The following KLF8 variants were observed in gnomAD, a reference collection of about 807,000 sequenced individuals.
KLF8 encodes the protein Krueppel-like factor 8.
In KLF8, 10 loss-of-function variants were observed where a neutral mutation model predicts 18.2. The observed-to-expected ratio is 0.55, with a 90% CI of 0.34 to 0.93. KLF8 has a LOEUF of 0.93. Ranked by LOEUF, KLF8 falls within the 40% of genes least tolerant of loss-of-function variation. KLF8 has a pLI of 0.02. For missense variants in KLF8, 264 were observed against 277.9 expected (o/e 0.95, Z 0.36); for synonymous variants, 109 against 97.3 (o/e 1.12, Z -0.71).
At chrX:56,154,233 A>T in the KLF8 span, among the ~76,000 whole-genome samples, 1 of 111,517 alleles carries the variant, frequency 9.0e-6, no homozygotes, top group African/African-American at 3.3e-5. Flanking sequence ...CCAAAACAGC[A>T]TGGTACTGGT....
the KLF8 span, among the ~76,000 whole-genome samples, chrX:56,085,904 G>A: frequency 2.7e-5 from 3 of 112,049 alleles, no homozygotes; most frequent in Non-Finnish European, 5.6e-5. Flanking sequence ...TCTCAGATAT[G>A]CACACTATCA....
At chrX:55,942,184 G>A in the KLF8 span, among the ~76,000 whole-genome samples, 1 of 111,552 alleles carries the variant, frequency 9.0e-6, no homozygotes, top group African/African-American at 3.3e-5. Context: ...ATACTATGCA[G>A]CCATAAAGAA....
At chrX:56,058,346 T>A in the KLF8 span, among the ~76,000 whole-genome samples, 2 of 84,038 alleles carry the variant, frequency 2.4e-5, no homozygotes, top group Admixed American at 2.9e-4. Flanking sequence ...GTTTGTTTTA[T>A]TTTTTATATA....
the KLF8 span, among the ~76,000 whole-genome samples, chrX:56,104,223 C>T: frequency 9.0e-6 from 1 of 111,372 alleles, no homozygotes; most frequent in Non-Finnish European, 1.9e-5. Context: ...TGATGCTGGC[C>T]TCATAAAATG....
At chrX:56,169,170 G>A in the KLF8 span, among the ~76,000 whole-genome samples, 1 of 111,182 alleles carries the variant, frequency 9.0e-6, no homozygotes, top group East Asian at 2.8e-4. Flanking sequence ...AAGAGCCCTT[G>A]ATCCATGAAT....
rs774640385 is a variant in KLF8 at position 56,279,477 on chromosome X, A to G, written c.899-4836A>G. Among the ~76,000 whole-genome samples the G allele has an allele frequency of 3.6e-5, 4 of 112,086 alleles. No homozygotes were observed. The East Asian group carries it at 1.1e-3, about 31-fold the overall frequency. Reference sequence around the variant, plus strand: ...GCAAGCTATGTAAAAAGCGTGGCAAAAGACTATTCTTGGCTAGTCAGAGTA... The same window carrying G: ...GCAAGCTATGTAAAAAGCGTGGCAAGAGACTATTCTTGGCTAGTCAGAGTA... On this transcript the variant is annotated intron_variant, in intron 5 of 5. Coordinates refer to ENST00000468660, the MANE Select transcript of KLF8 (RefSeq NM_007250.5).
chrX:55,999,274 G>T, the KLF8 span, among the ~76,000 whole-genome samples: 1 of 20,881 alleles, frequency 4.8e-5, no homozygotes. Flanking sequence ...CAGGTAGTTT[G>T]ATGCCTCCAG....
chrX:56,203,690 C>A, the KLF8 span, among the ~76,000 whole-genome samples: 1 of 111,953 alleles, frequency 8.9e-6, no homozygotes, highest in African/African-American at 3.2e-5. Context: ...ATGGTCCATT[C>A]CCCAATGTAT....
At chrX:56,084,337 C>T in the KLF8 span, among the ~76,000 whole-genome samples, 3 of 110,967 alleles carry the variant, frequency 2.7e-5, no homozygotes, top group Admixed American at 2.9e-4. Context: ...GAGCTGAAAT[C>T]ACATCACTGC....
chrX:56,083,888 C>T, the KLF8 span, among the ~76,000 whole-genome samples: 12 of 111,741 alleles, frequency 1.1e-4, no homozygotes, highest in African/African-American at 3.6e-4. Context: ...CAAAACTATA[C>T]TTCCCCTCCA....
intron 1 of KLF8, among the ~76,000 whole-genome samples, chrX:56,242,505 G>T (rs1009856148): frequency 7.1e-5 from 8 of 112,088 alleles, no homozygotes; most frequent in Non-Finnish European, 1.5e-4. Flanking sequence ...TAACAGCCAT[G>T]AGTGGGGAGG....
At chrX:56,172,366 T>C in the KLF8 span, among the ~76,000 whole-genome samples, 1 of 111,295 alleles carries the variant, frequency 9.0e-6, no homozygotes, top group Non-Finnish European at 1.9e-5. Context: ...GTTTGGTTTT[T>C]TGTCCTTGCG....
the KLF8 span, among the ~76,000 whole-genome samples, chrX:56,143,899 G>A: frequency 8.9e-6 from 1 of 112,239 alleles, no homozygotes; most frequent in African/African-American, 3.2e-5. Context: ...TCCACGGGGT[G>A]AAATCTATCC....
chrX:56,245,352 C>T (rs1350493149), intron 1 of KLF8, among the ~76,000 whole-genome samples: 1 of 111,760 alleles, frequency 8.9e-6, no homozygotes, highest in Non-Finnish European at 1.9e-5. Context: ...GCTCCAGTTC[C>T]TTGGAGGCAC....
the KLF8 span, among the ~76,000 whole-genome samples, chrX:56,136,137 G>A: frequency 1.8e-5 from 2 of 111,484 alleles, no homozygotes; most frequent in Admixed American, 9.5e-5. Context: ...CATGCTCATG[G>A]GTAGGAAGAA....
At chrX:56,162,153 G>A in the KLF8 span, among the ~76,000 whole-genome samples, 1,404 of 111,487 alleles carry the variant, frequency 0.013, 27 homozygotes, top group African/African-American at 0.044. Context: ...AGGAGTACCT[G>A]GCCATGTGAG....
the KLF8 span, among the ~76,000 whole-genome samples, chrX:56,052,934 G>C: frequency 3.6e-5 from 4 of 111,535 alleles, no homozygotes. Context: ...GTGGGCGTAG[G>C]ACCCTCCGAG....
chrX:56,176,678 G>T, the KLF8 span, among the ~76,000 whole-genome samples: 6 of 111,108 alleles, frequency 5.4e-5, no homozygotes, highest in African/African-American at 1.3e-4. Flanking sequence ...AGTTCTCCTG[G>T]ATAATATCCT....
the KLF8 span, among the ~76,000 whole-genome samples, chrX:55,995,233 G>A: frequency 8.9e-6 from 1 of 112,068 alleles, no homozygotes; most frequent in African/African-American, 3.2e-5. Flanking sequence ...TCTGCTTTTT[G>A]TATTGATAGA....
Sources: allele counts gnomAD v4.1 joint callset (sites outside exome capture counted in the v4.1 genomes callset), GRCh38; gene constraint gnomAD v4.1.1; transcripts MANE v1.5; gene names NCBI Gene and HGNC (gene_info 2026-07-23, HGNC 2026-07-21).